UTP25: variants seen among roughly 807,000 people sequenced by gnomAD.
UTP25 encodes the protein UTP25 small subunit processome component.
In UTP25, 50 loss-of-function variants were observed where a neutral mutation model predicts 78.9. That is an observed-to-expected ratio of 0.63 (90% CI 0.50 to 0.80). The LOEUF is 0.80. Among genes scored for constraint, UTP25 ranks in the 30% least tolerant of loss-of-function variants. UTP25 has a pLI of 0.00. For synonymous variants in UTP25, 329 were observed against 336.5 expected, an observed-to-expected ratio of 0.98 and a Z score of 0.24; for missense variants, 846 against 911.3, an observed-to-expected ratio of 0.93 and a Z score of 0.92.
In UTP25 at chr1:209,843,522, T is replaced by C. The variant is rs996710792; in HGVS notation, c.1853T>C (p.Ile618Thr). The change falls in exon 11 of 12, where the codon ATC (isoleucine) becomes ACC (threonine). Residue 618 changes from isoleucine to threonine, a missense_variant. Ile to Thr is a moderately conservative substitution (Grantham distance 89). Transcript: ENST00000491415. ...DAVMSHTLIY[I>T]PSYFDFVRLR... ...GTCATGTCTCACACGCTCATCTATA[T>C]CCCCTCCTACTTTGACTTCGTGCGT... 4.3e-6 allele frequency: 7 copies of C among 1,614,056 alleles called. No homozygotes were observed. The highest frequency in any genetic ancestry group is 5.9e-6 in the Non-Finnish European group (7 of 1,180,034).
rs1006885839 is a variant in UTP25 at position 209,828,210 on chromosome 1, T to C, written c.107+40T>C. The stretch of plus-strand genomic sequence containing the variant: ...GGCAGGGCTCCCCAGTCGCCAGAGA[T>C]GTATCCTCGAGTTTGGTCCTCTGGT... On this transcript the variant is annotated intron_variant, in intron 1 of 11. Transcript: ENST00000491415. 3 of 1,512,374 alleles carry C rather than the reference T, an allele frequency of 2.0e-6. No individual in the cohort carries two copies. In the African/African-American group the frequency reaches 4.1e-5, roughly 21 times the overall value. 93.7% of individuals were successfully genotyped at this position (1,512,374 alleles called of 1,614,324 possible). A position where few individuals can be genotyped will look rare whatever the true frequency, so the allele number is the denominator to read the frequency against.
At chr1:209,835,237 G>C (rs576006156) in intron 5 of UTP25, 74 bp downstream of exon 5, 2 of 1,318,300 alleles carry the variant, frequency 1.5e-6, no homozygotes, top group South Asian at 2.4e-5. Flanking sequence ...GGTTTTAGTG[G>C]CCTCCCAGAA....
intron 11 of UTP25, among the ~76,000 whole-genome samples, chr1:209,849,433 C>T (rs59100111): frequency 0.17 from 25,281 of 151,946 alleles, 2,230 homozygotes; most frequent in South Asian, 0.22. Context: ...GTTTACTGCC[C>T]TTCCCTTAAG....
chr1:209,845,984 G>A (rs868239298), intron 11 of UTP25, among the ~76,000 whole-genome samples: 4 of 151,708 alleles, frequency 2.6e-5, no homozygotes, highest in African/African-American at 2.4e-5. Flanking sequence ...AGCCTCCTGA[G>A]TAGCTGGGAT....
At position 209,828,007 on chromosome 1, in the gene UTP25, C is replaced by A. The variant is rs546101990; in HGVS notation, c.-57C>A. On this transcript the variant is annotated 5_prime_UTR_variant, in exon 1 of 12. Coordinates refer to ENST00000491415, the MANE Select transcript of UTP25 (RefSeq NM_014388.7). ...AGCCCACGTGCTTGTGTTGACTGGA[C>A]AACTTCCTGGTGGAAAACCGCGACT... 8.3e-5 allele frequency: 117 copies of A among 1,405,576 alleles called. 1 individual carries two copies. The South Asian group carries it at 1.3e-3, about 15-fold the overall frequency. The allele number at this position is 1,405,576 out of a possible 1,614,324, so 87.1% of individuals were successfully genotyped here.
chr1:209,841,157 A>G, intron 8 of UTP25, 102 bp downstream of exon 8: 1 of 1,284,080 alleles, frequency 7.8e-7, no homozygotes, highest in South Asian at 1.4e-5. Flanking sequence ...CCAGATTAGA[A>G]CTCTTGTTTG....
rs759390731 is a variant in UTP25 at position 209,857,326 on chromosome 1, C to T, written c.*5879C>T. The T allele has an allele frequency of 1.3e-5, 2 of 152,004 alleles. No individual in the cohort carries two copies. 9.4% of individuals were successfully genotyped at this position (152,004 alleles called of 1,614,324 possible). Reference sequence around the variant, plus strand: ...TGCTTCTCCAGGCCAATCATCCTTACTTCCTTAAACTTTTTTTTTTCCTGA... The same window carrying T: ...TGCTTCTCCAGGCCAATCATCCTTATTTCCTTAAACTTTTTTTTTTCCTGA... On this transcript the variant is annotated 3_prime_UTR_variant, in exon 12 of 12. Coordinates refer to ENST00000491415, the MANE Select transcript of UTP25 (RefSeq NM_014388.7).
rs981224640 is a variant in UTP25 at position 209,853,208 on chromosome 1, C to A, written c.*1761C>A. Reference sequence around the variant, plus strand: ...ATAAAAGCCGACCGAACCCATGCTACAAAGAACTTTTTGTATCTATAGGCA... The same window carrying A: ...ATAAAAGCCGACCGAACCCATGCTAAAAAGAACTTTTTGTATCTATAGGCA... On this transcript the variant is annotated 3_prime_UTR_variant, in exon 12 of 12. Transcript: ENST00000491415. The A allele has an allele frequency of 4.6e-5, 7 of 152,162 alleles. No individual in the cohort carries two copies. Among genetic ancestry groups the A allele is most frequent in the African/African-American group, 1.7e-4 (7 of 41,438 alleles). The allele number at this position is 152,162 out of a possible 1,614,324, so 9.4% of individuals were successfully genotyped here.
chr1:209,845,057 T>G (rs116278005), intron 11 of UTP25, among the ~76,000 whole-genome samples: 1,732 of 152,356 alleles, frequency 0.011, 40 homozygotes, highest in African/African-American at 0.039. Context: ...GCATTACCTT[T>G]TAGTTTATGC....
At chr1:209,830,500 TAAAAAAAAAAA>T (rs5780540) in intron 2 of UTP25, among the ~76,000 whole-genome samples, 1 of 141,110 alleles carries the variant, frequency 7.1e-6, no homozygotes, top group African/African-American at 2.6e-5. Flanking sequence ...TACAACAAAC[TAAAAAAAAAAA>T]AAAAGAAACC....
intron 7 of UTP25, among the ~76,000 whole-genome samples, chr1:209,839,923 C>T (rs9804137): frequency 0.011 from 1,623 of 152,214 alleles, 29 homozygotes; most frequent in African/African-American, 0.037. Flanking sequence ...GGGAAGATGT[C>T]GTGGTGGAGG....
chr1:209,842,555 A>C, intron 9 of UTP25, 28 bp from the exon 10 acceptor site: 1 of 1,612,432 alleles, frequency 6.2e-7, no homozygotes, highest in Non-Finnish European at 8.5e-7. Context: ...ATGGCTGTCC[A>C]CCTAACGCTC....
chr1:209,842,595 A>C lies in UTP25; in HGVS notation c.1681A>C (p.Asn561His), dbSNP rs748789792. ...TGACTACTGGCAGGTGGCCGTGAGG[A>C]ATGTCCCAATGACAGGCTCTATCAG... Reference protein sequence around the residue: ...VNMQGQVAVRNVPMTGSISHV... With the variant: ...VNMQGQVAVRHVPMTGSISHV... The change falls in exon 10 of 12, where the codon AAT becomes CAT. Residue 561 changes from asparagine to histidine, a missense_variant. Physicochemically the swap from Asn to His is moderately conservative, Grantham distance 68. Coordinates refer to ENST00000491415, the MANE Select transcript of UTP25 (RefSeq NM_014388.7). The C allele has an allele frequency of 6.8e-6, 11 of 1,613,682 alleles. No homozygotes were observed. The highest frequency in any genetic ancestry group is 1.3e-5 in the African/African-American group (1 of 74,894).
rs1391154860 is a variant in UTP25 at position 209,853,948 on chromosome 1, T to G, written c.*2501T>G. ...GAACAAAGTAGTGTTGCTTTGTTCC[T>G]GGCTCAGCACCTGAAAAGAAGGTAA... is the stretch of plus-strand genomic sequence containing the variant. On this transcript the variant is annotated 3_prime_UTR_variant, in exon 12 of 12. Coordinates refer to ENST00000491415, the MANE Select transcript of UTP25 (RefSeq NM_014388.7). 1.3e-5 allele frequency: 2 copies of G among 152,248 alleles called. No individual in the cohort carries two copies. The highest frequency in any genetic ancestry group is 4.8e-5 in the African/African-American group (2 of 41,464). 9.4% of individuals were successfully genotyped at this position (152,248 alleles called of 1,614,324 possible).
At chr1:209,849,064 T>A (rs552040588) in intron 11 of UTP25, among the ~76,000 whole-genome samples, 1 of 151,490 alleles carries the variant, frequency 6.6e-6, no homozygotes. Flanking sequence ...CAGAGGAGGG[T>A]CTCACTCCAC....
At chr1:209,851,123 AT>A in intron 11 of UTP25, 80 bp from the exon 12 acceptor site, 1 of 1,481,178 alleles carries the variant, frequency 6.8e-7, no homozygotes, top group Non-Finnish European at 9.1e-7. Context: ...AGCATGAACT[AT>A]GCCTCTGTAC....
chr1:209,829,492 TC>T (rs68084857), intron 1 of UTP25, among the ~76,000 whole-genome samples: 18,307 of 148,006 alleles, frequency 0.12, 1,405 homozygotes, highest in South Asian at 0.21. Context: ...TTTTCTTTTT[TC>T]TTTTTTTTGA....
At chr1:209,840,805 G>A in intron 7 of UTP25, 48 bp from the exon 8 acceptor site, 1 of 1,591,268 alleles carries the variant, frequency 6.3e-7, no homozygotes, top group Non-Finnish European at 8.6e-7. Flanking sequence ...GAAGGTAATG[G>A]CTTGGTAGTG....
intron 1 of UTP25, among the ~76,000 whole-genome samples, 180 bp from the exon 2 acceptor site, chr1:209,829,928 G>T (rs2078093530): frequency 6.6e-6 from 1 of 152,122 alleles, no homozygotes; most frequent in Admixed American, 6.5e-5. Flanking sequence ...CTTTTCATTT[G>T]TCAGTTATTA....
Sources: gnomAD v4.1 joint callset for allele counts (sites outside exome capture counted in the v4.1 genomes callset) on GRCh38, gnomAD v4.1.1 for gene constraint, MANE v1.5 for transcripts, NCBI Gene and HGNC (gene_info 2026-07-23, HGNC 2026-07-21) for gene names.